The following RYR1 variants were observed in gnomAD, a reference collection of about 807,000 sequenced individuals.
RYR1 encodes ryanodine receptor 1.
In RYR1, 342 loss-of-function variants were observed where a neutral mutation model predicts 583.5. The ratio of observed to expected loss-of-function variants is 0.59; its 90% CI spans 0.54 to 0.64. The LOEUF is 0.64. Ranked by LOEUF, RYR1 falls within the 30% of genes least tolerant of loss-of-function variation. RYR1 has a pLI of 0.00. For synonymous variants in RYR1, 2,791 were observed against 2,822.5 expected, an observed-to-expected ratio of 0.99 and a Z score of 0.35; for missense variants, 6,032 against 6,917.2, an observed-to-expected ratio of 0.87 and a Z score of 4.54.
intron 31 of RYR1, 125 bp from the exon 32 acceptor site, chr19:38,482,902 G>T: frequency 1.2e-6 from 1 of 843,686 alleles, no homozygotes; most frequent in East Asian, 2.5e-5. Flanking sequence ...GGTGACCTCT[G>T]AGCCATTTTG....
chr19:38,531,468 C>T (rs1267743224), intron 76 of RYR1, among the ~76,000 whole-genome samples: 1 of 151,892 alleles, frequency 6.6e-6, no homozygotes, highest in Non-Finnish European at 1.5e-5. Flanking sequence ...AGTGTAAACA[C>T]TCAGCAGGTG....
rs1184784202 is a variant in RYR1, at chr19:38,489,225, A to G, written c.5596A>G (p.Ile1866Val). Residue 1866 changes from isoleucine (I) to valine (V), a missense_variant, in exon 35 of 106, where the codon ATT (isoleucine) becomes GTT (valine). By Grantham distance (29) the Ile-to-Val change is conservative. Transcript: ENST00000359596. ...GGATGTGAAACAGATCTTGAAGATG[A>G]TTGAGCCTGAGGTCTTCACTGAGGA... Reference protein sequence around the residue: ...DEDVKQILKMIEPEVFTEEEE... With the variant: ...DEDVKQILKMVEPEVFTEEEE... The G allele has an allele frequency of 5.0e-6, 8 of 1,613,858 alleles. No individual in the cohort carries two copies. Among genetic ancestry groups the G allele is most frequent in the East Asian group, 2.2e-5 (1 of 44,880 alleles).
At chr19:38,513,831 G>A (rs543829071) in intron 63 of RYR1, among the ~76,000 whole-genome samples, 1 of 152,036 alleles carries the variant, frequency 6.6e-6, no homozygotes, top group Non-Finnish European at 1.5e-5. Context: ...GAACTTTTGG[G>A]TGTAAGTTGC....
intron 24 of RYR1, among the ~76,000 whole-genome samples, 197 bp downstream of exon 24, chr19:38,466,595 G>C (rs1293521680): frequency 6.7e-6 from 1 of 150,056 alleles, no homozygotes; most frequent in Non-Finnish European, 1.5e-5. Context: ...TCCACCTCCT[G>C]GGTTCACACC....
At chr19:38,455,801 C>T in intron 16 of RYR1, 50 bp downstream of exon 16, 1 of 1,161,906 alleles carries the variant, frequency 8.6e-7, no homozygotes, top group Non-Finnish European at 1.3e-6. Flanking sequence ...GAATGCTGGC[C>T]TCTCCCCAGG....
Position 38,565,788 on chromosome 19 carries a change from GGT to G in RYR1, c.13437+18_13437+19del. 1 of 1,381,694 alleles carries G rather than the reference GGT, an allele frequency of 7.2e-7. No homozygotes were observed. The highest frequency in any genetic ancestry group is 3.0e-5 in the East Asian group (1 of 33,412). 85.6% of individuals were successfully genotyped at this position (1,381,694 alleles called of 1,614,324 possible). On this transcript the variant is annotated intron_variant, in intron 91 of 105. Transcript: ENST00000359596. This position sits in a 1 kb window ranked among gnomAD's most constrained non-coding sequence, Gnocchi z 4.7. ...AAATTGGGGGTGAGAGAGCAGGCGG[GGT>G]TTTGGGGTTTTGGAAAGATGGGGGA...
In RYR1 at chr19:38,538,119, T is replaced by G. The variant is rs2071091; in HGVS notation, c.11689+159T>G. ...TAGCTTTCAAAATCTCTCTGGAGGC[T>G]GGGCGCAGTGACTCAGGCCTATAAT... is the stretch of plus-strand genomic sequence containing the variant. On this transcript the variant is annotated intron_variant, in intron 84 of 105. Transcript: ENST00000359596. Among the ~76,000 whole-genome samples, 8,974 of 152,008 alleles carry G rather than the reference T, an allele frequency of 0.059. 412 individuals carry two copies. The highest frequency in any genetic ancestry group is 0.23 in the South Asian group (1,090 of 4,816).
At chr19:38,482,149 C>A (rs1233724282) in intron 31 of RYR1, among the ~76,000 whole-genome samples, 1 of 152,080 alleles carries the variant, frequency 6.6e-6, no homozygotes, top group East Asian at 1.9e-4. Flanking sequence ...CCCATGCCTG[C>A]CAAATCAGAA....
At chr19:38,472,853 AAAAAG>A (rs1487453394) in intron 27 of RYR1, among the ~76,000 whole-genome samples, 75 of 148,492 alleles carry the variant, frequency 5.1e-4, no homozygotes, top group African/African-American at 1.3e-3. Context: ...AAAAAAAAAA[AAAAAG>A]AAGTCTGAGA....
chr19:38,451,155 C>T (rs1412503652), intron 11 of RYR1, among the ~76,000 whole-genome samples: 4 of 152,180 alleles, frequency 2.6e-5, no homozygotes, highest in East Asian at 1.9e-4. Flanking sequence ...GGGAGGCACT[C>T]GTTTGCAAAA....
At chr19:38,443,380 G>T (rs941919669) in intron 3 of RYR1, among the ~76,000 whole-genome samples, 178 bp from the exon 4 acceptor site, 2 of 152,200 alleles carry the variant, frequency 1.3e-5, no homozygotes, top group Non-Finnish European at 2.9e-5. Flanking sequence ...CTGCTTCCGT[G>T]AATGGGGAAA....
Position 38,572,011 on chromosome 19 carries a change from C to T in RYR1, c.13747-8C>T. 6.2e-7 allele frequency: 1 copy of T among 1,613,908 alleles called. No homozygotes were observed. Among genetic ancestry groups the T allele is most frequent in the East Asian group, 2.2e-5 (1 of 44,886 alleles). ...AGACCCACAGATGAATCTCTGTCCC[C>T]ATTTCAGGTCTCAGACTCTCCACCA... On this transcript the variant is annotated splice_polypyrimidine_tract_variant and splice_region_variant and intron_variant, in intron 94 of 105. Transcript: ENST00000359596.
chr19:38,515,403 G>C (rs1279463331), intron 64 of RYR1, among the ~76,000 whole-genome samples: 2 of 152,178 alleles, frequency 1.3e-5, no homozygotes, highest in Non-Finnish European at 2.9e-5. Context: ...TCACTGGGGA[G>C]GGCCCCTGGC....
Position 38,528,291 on chromosome 19 carries a change from C to A in RYR1, c.10825-15C>A. 1 of 1,610,478 alleles carries A rather than the reference C, an allele frequency of 6.2e-7. No homozygotes were observed. Among genetic ancestry groups the A allele is most frequent in the Non-Finnish European group, 8.5e-7 (1 of 1,176,884 alleles). On this transcript the variant is annotated splice_polypyrimidine_tract_variant and intron_variant, in intron 73 of 105. Coordinates refer to ENST00000359596, the MANE Select transcript of RYR1 (RefSeq NM_000540.3). Reference sequence around the variant, plus strand: ...AGGGTCTGGGGATGTGACTGTCCTGCTATCCCCTCCCCAGACCGAGCACCC... The same window carrying A: ...AGGGTCTGGGGATGTGACTGTCCTGATATCCCCTCCCCAGACCGAGCACCC...
At chr19:38,491,092 C>T (rs1568490260) in intron 37 of RYR1, among the ~76,000 whole-genome samples, 1 of 152,126 alleles carries the variant, frequency 6.6e-6, no homozygotes, top group Non-Finnish European at 1.5e-5. Context: ...GATGGATGAC[C>T]TCCATAGTTT....
At chr19:38,583,779 T>TAC (rs752528486) in intron 101 of RYR1, among the ~76,000 whole-genome samples, 3 of 151,928 alleles carry the variant, frequency 2.0e-5, no homozygotes, top group Non-Finnish European at 4.4e-5. Flanking sequence ...AGGCCTGACA[T>TAC]ACACACACAC....
chr19:38,503,026 C>T, intron 49 of RYR1, 56 bp downstream of exon 49: 2 of 1,556,844 alleles, frequency 1.3e-6, no homozygotes, highest in Non-Finnish European at 1.8e-6. Flanking sequence ...CTGGTTTGCT[C>T]TTCCCTCCTA....
At chr19:38,524,218 C>T (rs1005096191) in intron 70 of RYR1, among the ~76,000 whole-genome samples, 2 of 142,084 alleles carry the variant, frequency 1.4e-5, no homozygotes, top group African/African-American at 5.2e-5. Context: ...AAAAGAGCAA[C>T]TCTCAGCTTT....
At chr19:38,522,205 T>G (rs930225512) in intron 67 of RYR1, among the ~76,000 whole-genome samples, 1 of 152,162 alleles carries the variant, frequency 6.6e-6, no homozygotes, top group Non-Finnish European at 1.5e-5. Context: ...TCTTAATATG[T>G]AGGTTATATA....
Sources: gnomAD v4.1 joint callset for allele counts (sites outside exome capture counted in the v4.1 genomes callset) on GRCh38, gnomAD v4.1.1 for gene constraint, Gnocchi (gnomAD v3.1) non-coding constraint, MANE v1.5 for transcripts, NCBI Gene and HGNC (gene_info 2026-07-23, HGNC 2026-07-21) for gene names.